ACTN2: variants seen among roughly 807,000 people sequenced by gnomAD.
The protein encoded by ACTN2 is actinin alpha 2.
Under a neutral mutation model 113.8 loss-of-function variants are expected in ACTN2, and 39 were observed. The observed-to-expected ratio is 0.34, with a 90% CI of 0.27 to 0.45. The LOEUF (loss-of-function observed/expected upper bound fraction) is 0.45, where lower values mean the gene tolerates loss of function less well. Ranked by LOEUF, ACTN2 falls within the 20% of genes least tolerant of loss-of-function variation. The pLI, the probability that ACTN2 is intolerant of heterozygous loss-of-function variation, is 1.00. For synonymous variants in ACTN2, 429 were observed against 444.1 expected, an observed-to-expected ratio of 0.97 and a Z score of 0.43; for missense variants, 992 against 1,177.9, an observed-to-expected ratio of 0.84 and a Z score of 2.31.
At chr1:236,716,987 A>C (rs1658237380) in intron 1 of ACTN2, among the ~76,000 whole-genome samples, 1 of 151,672 alleles carries the variant, frequency 6.6e-6, no homozygotes, top group South Asian at 2.1e-4. Context: ...GGCACACGTT[A>C]CCACACCCAG....
chr1:236,720,176 G>T lies in ACTN2; in HGVS notation c.433G>T (p.Asp145Tyr), dbSNP rs1196217561. 6.2e-7 allele frequency: 1 copy of T among 1,613,158 alleles called. No homozygotes were observed. The highest frequency in any genetic ancestry group is 8.5e-7 in the Non-Finnish European group (1 of 1,179,260). The change falls in exon 4 of 21, where the codon GAT becomes TAT. Residue 145 changes from aspartate (D) to tyrosine (Y), a missense_variant. By Grantham distance (160) the Asp-to-Tyr change is radical. Transcript: ENST00000366578. Reference protein sequence around the residue: ...WTIILRFAIQDISVEETSAKE... With the variant: ...WTIILRFAIQYISVEETSAKE... ...CATCATCCTTCGCTTTGCTATTCAGGATATTTCGGTTGAAGGTAAAAGACA... is the reference window on the plus strand; with the variant it reads ...CATCATCCTTCGCTTTGCTATTCAGTATATTTCGGTTGAAGGTAAAAGACA...
intron 4 of ACTN2, among the ~76,000 whole-genome samples, 167 bp downstream of exon 4, chr1:236,720,358 G>A (rs1658347615): frequency 6.6e-6 from 1 of 152,204 alleles, no homozygotes; most frequent in Non-Finnish European, 1.5e-5. Flanking sequence ...GACCTCGGCA[G>A]CACTGTTTCA....
At chr1:236,739,223 G>A (rs1658989154) in intron 9 of ACTN2, 79 bp from the exon 10 acceptor site, 5 of 1,359,526 alleles carry the variant, frequency 3.7e-6, no homozygotes, top group Middle Eastern at 1.8e-4. Flanking sequence ...ACAAATTATT[G>A]GATGCCTCAT....
chr1:236,710,789 A>G (rs1427660642), intron 1 of ACTN2, among the ~76,000 whole-genome samples: 3 of 152,190 alleles, frequency 2.0e-5, no homozygotes, highest in Non-Finnish European at 4.4e-5. Flanking sequence ...TGCAAACCCT[A>G]CTGTGAACTG....
At chr1:236,715,361 T>C (rs1231721740) in intron 1 of ACTN2, among the ~76,000 whole-genome samples, 1 of 135,556 alleles carries the variant, frequency 7.4e-6, no homozygotes, top group East Asian at 2.2e-4. Flanking sequence ...CTATTACTCA[T>C]TCAAAAAATA....
At chr1:236,742,214 T>C (rs75863137) in intron 10 of ACTN2, among the ~76,000 whole-genome samples, 2,543 of 152,230 alleles carry the variant, frequency 0.017, 29 homozygotes, top group Non-Finnish European at 0.028. Flanking sequence ...ATTTTGTTTA[T>C]CGCTTTCCGA....
At chr1:236,721,030 T>TTTTTTG (rs1658377185) in intron 4 of ACTN2, among the ~76,000 whole-genome samples, 1 of 104,882 alleles carries the variant, frequency 9.5e-6, no homozygotes, top group African/African-American at 3.5e-5. Flanking sequence ...TTGTTTTTTT[T>TTTTTTG]TTTTTTTTTT....
rs777708633 is a variant in ACTN2 at position 236,744,674 on chromosome 1, C to T, written c.1304C>T (p.Thr435Ile). 5.0e-6 allele frequency: 8 copies of T among 1,614,120 alleles called. No homozygotes were observed. Among genetic ancestry groups the T allele is most frequent in the Non-Finnish European group, 6.8e-6 (8 of 1,180,056 alleles). The change falls in exon 12 of 21, where the codon ACA becomes ATA. Residue 435 changes from threonine to isoleucine, a missense_variant. Physicochemically the swap from Thr to Ile is moderately conservative, Grantham distance 89 (BLOSUM62 -1). Transcript: ENST00000366578. Reference sequence around the variant, plus strand: ...AAGGATTACGAGTCGGCGTCGCTGACAGAGGTGCGGGCTCTGCTGCGGAAG... The same window carrying T: ...AAGGATTACGAGTCGGCGTCGCTGATAGAGGTGCGGGCTCTGCTGCGGAAG... ...LQKDYESASLTEVRALLRKHE... is the reference protein window; with the variant it reads ...LQKDYESASLIEVRALLRKHE...
At chr1:236,712,758 A>C (rs551964294) in intron 1 of ACTN2, among the ~76,000 whole-genome samples, 1 of 152,262 alleles carries the variant, frequency 6.6e-6, no homozygotes, top group South Asian at 2.1e-4. Flanking sequence ...GCTTTTAGGG[A>C]TATATCCAGA....
At chr1:236,734,337 G>A in intron 7 of ACTN2, 1 of 815,546 alleles carries the variant, frequency 1.2e-6, no homozygotes, top group Non-Finnish European at 1.9e-6. Context: ...GGGCGAAGGG[G>A]GAGGATTCCT....
intron 12 of ACTN2, among the ~76,000 whole-genome samples, chr1:236,745,283 A>C (rs906992365): frequency 1.3e-5 from 2 of 151,868 alleles, no homozygotes; most frequent in Non-Finnish European, 2.9e-5. Context: ...AAATGCAAAA[A>C]ATTAGCCGGG....
chr1:236,703,528 T>C (rs1050531243), intron 1 of ACTN2, among the ~76,000 whole-genome samples: 2 of 151,474 alleles, frequency 1.3e-5, no homozygotes, highest in Admixed American at 6.6e-5. Context: ...TAACATATGC[T>C]TCTAGCCCTA....
chr1:236,698,677 A>T (rs1657589509), intron 1 of ACTN2, among the ~76,000 whole-genome samples: 1 of 152,222 alleles, frequency 6.6e-6, no homozygotes, highest in Non-Finnish European at 1.5e-5. Flanking sequence ...GTCTAACACT[A>T]AAGCCAAAAA....
rs192521176 is a variant in ACTN2 at position 236,690,982 on chromosome 1, G to C, written c.126+4183G>C. On this transcript the variant is annotated intron_variant, in intron 1 of 20. Coordinates refer to ENST00000366578, the MANE Select transcript of ACTN2 (RefSeq NM_001103.4). ...AGACGGAGTCTTGCTCTGTCGCCCA[G>C]GCTGGAGTGCAGTGGTGTGATCTCA... Among the ~76,000 whole-genome samples the C allele has an allele frequency of 4.7e-5, 7 of 149,094 alleles. No homozygotes were observed. The East Asian group carries it at 1.4e-3, about 30-fold the overall frequency.
chr1:236,715,230 A>T (rs544221162), intron 1 of ACTN2, among the ~76,000 whole-genome samples: 119 of 151,016 alleles, frequency 7.9e-4, no homozygotes, highest in African/African-American at 2.8e-3. Context: ...ATATGTATAC[A>T]TGTGCCATGT....
At chr1:236,730,729 C>T (rs894658346) in intron 6 of ACTN2, among the ~76,000 whole-genome samples, 1 of 151,934 alleles carries the variant, frequency 6.6e-6, no homozygotes, top group Non-Finnish European at 1.5e-5. Context: ...GTCATTTCTT[C>T]TTGCTTTAAC....
chr1:236,736,508 C>A, intron 8 of ACTN2: 1 of 1,242,234 alleles, frequency 8.1e-7, no homozygotes, highest in Admixed American at 2.1e-5. Context: ...AGTTCCTTTC[C>A]ACGAAAGATG....
chr1:236,699,361 C>T (rs1164527742), intron 1 of ACTN2, among the ~76,000 whole-genome samples: 1 of 152,110 alleles, frequency 6.6e-6, no homozygotes, highest in African/African-American at 2.4e-5. Context: ...ATTGTCATTC[C>T]AAGATTTTCC....
chr1:236,754,140 C>T lies in ACTN2; in HGVS notation c.1974+59C>T, dbSNP rs1190303714. The stretch of plus-strand genomic sequence containing the variant: ...GCCTTGCGATAAGTCCCTTTAGCCA[C>T]GCAGCAGTGACACCGCACATGCTGT... On this transcript the variant is annotated intron_variant, in intron 16 of 20. Transcript: ENST00000366578. This position sits in a 1 kb window ranked among gnomAD's most constrained non-coding sequence, Gnocchi z 4.9. The T allele has an allele frequency of 1.7e-5, 28 of 1,604,270 alleles. No individual in the cohort carries two copies. The highest frequency in any genetic ancestry group is 6.7e-5 in the East Asian group (3 of 44,860).
Sources: allele counts gnomAD v4.1 joint callset (sites outside exome capture counted in the v4.1 genomes callset), GRCh38; gene constraint gnomAD v4.1.1; non-coding constraint Gnocchi (gnomAD v3.1); transcripts MANE v1.5; gene names NCBI Gene and HGNC (gene_info 2026-07-23, HGNC 2026-07-21).